The following HOXC5 variants were observed in gnomAD, a reference collection of about 807,000 sequenced individuals.
The protein encoded by HOXC5 is homeobox C5.
In HOXC5, 19 loss-of-function variants were observed where a neutral mutation model predicts 20.1. That is an observed-to-expected ratio of 0.94 (90% CI 0.66 to 1.38). The LOEUF is 1.38. HOXC5 is among the 40% of genes most tolerant of loss of function. HOXC5 has a pLI of 0.00. For synonymous variants in HOXC5, 124 were observed against 117.0 expected (o/e 1.06, Z -0.39); for missense variants, 330 against 300.1 (o/e 1.10, Z -0.74).
chr12:54,032,088 T>C (rs2136444283), upstream of HOXC5, among the ~76,000 whole-genome samples: 1 of 152,352 alleles, frequency 6.6e-6, no homozygotes, highest in Admixed American at 6.5e-5. Flanking sequence ...CTGGCATAGG[T>C]ACCACATAAG....
upstream of HOXC5, chr12:54,028,345 AT>A (rs150694870): frequency 7.2e-5 from 44 of 612,874 alleles, no homozygotes; most frequent in East Asian, 1.7e-4. Context: ...AGCAGAAGCG[AT>A]TTTTTTCCCC....
the HOXC5 span, chr12:54,021,771 G>GC: frequency 6.6e-6 from 1 of 152,356 alleles, no homozygotes; most frequent in Admixed American, 6.5e-5. Context: ...CTCTGCCACG[G>GC]CGCCGCAGCC....
chr12:54,025,936 T>C, the HOXC5 span, among the ~76,000 whole-genome samples: 1 of 151,942 alleles, frequency 6.6e-6, no homozygotes, highest in African/African-American at 2.4e-5. Flanking sequence ...CCAAGGTCCT[T>C]CCCTCCCCCA....
intron 1 of HOXC5, chr12:54,033,906 G>A (rs1193701884): frequency 2.2e-6 from 1 of 448,442 alleles, no homozygotes; most frequent in Non-Finnish European, 4.2e-6. Flanking sequence ...CTCCCCTGCG[G>A]AGCCGGCTCC....
rs1565747124 is a variant in HOXC5 at position 54,035,126 on chromosome 12, C to A, written c.*634C>A. On this transcript the variant is annotated 3_prime_UTR_variant, in exon 2 of 2. Coordinates refer to ENST00000312492, the MANE Select transcript of HOXC5 (RefSeq NM_018953.4). ...AAAACCCGGGAACCTCCCCAGCCTG[C>A]GCCTGCTGCATGCCCTCTCAGGCCG... is the stretch of plus-strand genomic sequence containing the variant. The A allele has an allele frequency of 6.5e-6, 1 of 154,190 alleles. No individual in the cohort carries two copies. Among genetic ancestry groups the A allele is most frequent in the Non-Finnish European group, 1.4e-5 (1 of 69,230 alleles). 9.6% of individuals were successfully genotyped at this position (154,190 alleles called of 1,614,324 possible).
At chr12:54,025,533 G>T in the HOXC5 span, among the ~76,000 whole-genome samples, 7 of 48,480 alleles carry the variant, frequency 1.4e-4, no homozygotes, top group South Asian at 5.4e-4. Flanking sequence ...TAATTGGGGG[G>T]GGGGGAGGTG....
the HOXC5 span, among the ~76,000 whole-genome samples, chr12:54,018,127 G>A: frequency 6.6e-6 from 1 of 152,138 alleles, no homozygotes; most frequent in Admixed American, 6.5e-5. Context: ...AGGGTGGGAG[G>A]TGCCCTGCGT....
intron 1 of HOXC5, 68 bp from the exon 2 acceptor site, chr12:54,034,210 G>A (rs967179597): frequency 1.1e-5 from 16 of 1,414,394 alleles, no homozygotes; most frequent in Non-Finnish European, 1.5e-5. Context: ...GCCTGGGCTG[G>A]GGTGGGGACG....
At chr12:54,019,567 TG>T in the HOXC5 span, among the ~76,000 whole-genome samples, 5 of 152,066 alleles carry the variant, frequency 3.3e-5, no homozygotes, top group Non-Finnish European at 5.9e-5. Flanking sequence ...TGGCCGCTGA[TG>T]GGGGGGAACA....
the HOXC5 span, among the ~76,000 whole-genome samples, chr12:54,018,739 C>A: frequency 6.6e-6 from 1 of 152,174 alleles, no homozygotes; most frequent in Non-Finnish European, 1.5e-5. Context: ...GCCTACACAC[C>A]CAGGCAGACA....
At chr12:54,023,410 AAG>A in the HOXC5 span, among the ~76,000 whole-genome samples, 5 of 152,190 alleles carry the variant, frequency 3.3e-5, no homozygotes, top group Non-Finnish European at 7.3e-5. Context: ...GAAATCTGGA[AAG>A]AGAGAGGGAG....
the HOXC5 span, among the ~76,000 whole-genome samples, chr12:54,025,536 G>T: frequency 1.8e-5 from 1 of 55,402 alleles, no homozygotes; most frequent in Non-Finnish European, 6.2e-5. Flanking sequence ...TTGGGGGGGG[G>T]GGAGGTGTTG....
In HOXC5 at chr12:54,035,265, C is replaced by T. The variant is rs887913572; in HGVS notation, c.*773C>T. The T allele has an allele frequency of 1.3e-5, 2 of 152,768 alleles. No individual in the cohort carries two copies. The highest frequency in any genetic ancestry group is 4.8e-5 in the African/African-American group (2 of 41,474). 9.5% of individuals were successfully genotyped at this position (152,768 alleles called of 1,614,324 possible). A position where few individuals can be genotyped will look rare whatever the true frequency, so the allele number is the denominator to read the frequency against. On this transcript the variant is annotated 3_prime_UTR_variant, in exon 2 of 2. Coordinates refer to ENST00000312492, the MANE Select transcript of HOXC5 (RefSeq NM_018953.4). ...TAGTCCCTGCCACGAATTTCTGTGC[C>T]CTCCTGACCCATTGCTGTTGTCCAA... is the stretch of plus-strand genomic sequence containing the variant.
intron 1 of HOXC5, 115 bp from the exon 2 acceptor site, chr12:54,034,163 C>T: frequency 2.9e-6 from 3 of 1,021,244 alleles, no homozygotes; most frequent in East Asian, 2.4e-5. Context: ...GCCTGTCTTG[C>T]GGCTCTCGCC....
chr12:54,028,569 G>T (rs780711773), upstream of HOXC5: 2 of 1,613,924 alleles, frequency 1.2e-6, no homozygotes, highest in Non-Finnish European at 1.7e-6. Flanking sequence ...ACCTCGCCGG[G>T]GGCCAGGACG....
chr12:54,031,815 G>C (rs1390787973), upstream of HOXC5, among the ~76,000 whole-genome samples: 2 of 152,158 alleles, frequency 1.3e-5, no homozygotes, highest in Non-Finnish European at 2.9e-5. Context: ...GGATGGGGCC[G>C]AATGGCTGCA....
upstream of HOXC5, chr12:54,029,750 C>T: frequency 1.2e-6 from 2 of 1,614,220 alleles, no homozygotes; most frequent in Non-Finnish European, 1.7e-6. Flanking sequence ...CAATCGCTAC[C>T]TAACGCGGCG....
At chr12:54,028,587 C>A (rs1940837152), upstream of HOXC5, 2 of 1,614,000 alleles carry the variant, frequency 1.2e-6, no homozygotes, top group African/African-American at 2.7e-5. Context: ...ACGTCCTCCC[C>A]AACGTCGCCC....
the HOXC5 span, among the ~76,000 whole-genome samples, chr12:54,022,769 A>G: frequency 6.6e-6 from 1 of 152,126 alleles, no homozygotes; most frequent in Non-Finnish European, 1.5e-5. Flanking sequence ...GACATTTACA[A>G]TTTCTATATG....
Sources: allele counts gnomAD v4.1 joint callset (sites outside exome capture counted in the v4.1 genomes callset), GRCh38; gene constraint gnomAD v4.1.1; transcripts MANE v1.5; gene names NCBI Gene and HGNC (gene_info 2026-07-23, HGNC 2026-07-21).